MTSS1: variants seen among roughly 807,000 people sequenced by gnomAD.
MTSS1 encodes the protein protein MTSS 1.
MTSS1 carries 18 observed loss-of-function variants against 79.0 expected under a neutral mutation model. The observed-to-expected ratio is 0.23, with a 90% CI of 0.16 to 0.34. The LOEUF is 0.34. Ranked by LOEUF, MTSS1 falls within the 10% of genes least tolerant of loss-of-function variation. MTSS1 has a pLI of 1.00. For missense variants in MTSS1, 815 were observed against 986.2 expected, an observed-to-expected ratio of 0.83 and a Z score of 2.33; for synonymous variants, 341 against 368.6, an observed-to-expected ratio of 0.93 and a Z score of 0.86.
chr8:124,585,341 C>T (rs768491438), intron 5 of MTSS1, among the ~76,000 whole-genome samples, 180 bp from the exon 6 acceptor site: 4 of 152,004 alleles, frequency 2.6e-5, no homozygotes, highest in East Asian at 1.9e-4. Context: ...GCTAGAGACA[C>T]GAAAACAAAA....
chr8:124,648,801 ACAC>A (rs1463117138), intron 3 of MTSS1, among the ~76,000 whole-genome samples: 2 of 151,924 alleles, frequency 1.3e-5, no homozygotes. Context: ...TGTGAGATGG[ACAC>A]CACAAGGCCA....
At chr8:124,700,469 A>G (rs1436740193) in intron 2 of MTSS1, among the ~76,000 whole-genome samples, 2 of 152,186 alleles carry the variant, frequency 1.3e-5, no homozygotes, top group African/African-American at 4.8e-5. Flanking sequence ...TTGACCCACT[A>G]TAAGACAAGA....
chr8:124,607,876 A>AGG (rs35995953), intron 3 of MTSS1, among the ~76,000 whole-genome samples: 3 of 152,186 alleles, frequency 2.0e-5, no homozygotes, highest in Non-Finnish European at 2.9e-5. Flanking sequence ...TCTACAGAAA[A>AGG]GGGGGGGCTT....
At chr8:124,656,518 T>C (rs900168986) in intron 3 of MTSS1, among the ~76,000 whole-genome samples, 1 of 150,182 alleles carries the variant, frequency 6.7e-6, no homozygotes, top group Non-Finnish European at 1.5e-5. Context: ...ACGCCTGTAA[T>C]CCCAGCACTT....
rs73704173 is a variant in MTSS1, at chr8:124,677,935, C to T, written c.208+21591G>A. Reference sequence around the variant, plus strand: ...AAAAGAAATTCAAGCATAGTTACTCCTATTTTCTGAATCAAATCAGTAAGT... The same window carrying T: ...AAAAGAAATTCAAGCATAGTTACTCTTATTTTCTGAATCAAATCAGTAAGT... On this transcript the variant is annotated intron_variant, in intron 3 of 13. Transcript: ENST00000518547. Among the ~76,000 whole-genome samples the T allele has an allele frequency of 4.2e-3, 634 of 152,268 alleles. 4 individuals carry two copies. The highest frequency in any genetic ancestry group is 0.012 in the African/African-American group (485 of 41,540).
At chr8:124,681,761 C>T (rs1029976354) in intron 3 of MTSS1, among the ~76,000 whole-genome samples, 1 of 152,142 alleles carries the variant, frequency 6.6e-6, no homozygotes. Flanking sequence ...GCACTCCAGC[C>T]TCAGTGACAA....
intron 3 of MTSS1, among the ~76,000 whole-genome samples, chr8:124,644,384 A>G (rs1161780286): frequency 6.6e-6 from 1 of 152,242 alleles, no homozygotes; most frequent in East Asian, 1.9e-4. Context: ...TCATTCTCTA[A>G]GAAAGAATTT....
chr8:124,592,432 T>C (rs1045835094), intron 3 of MTSS1, among the ~76,000 whole-genome samples: 5 of 152,160 alleles, frequency 3.3e-5, no homozygotes, highest in Non-Finnish European at 4.4e-5. Context: ...AGACAAGACC[T>C]TCAGGGGAAA....
chr8:124,676,817 C>G lies in MTSS1; in HGVS notation c.208+22709G>C, dbSNP rs151107630. ...GCAAAATGCAATCTCACCTTAGGAG[C>G]CAGGCCTGCCAGACCCAGTCCCATC... On this transcript the variant is annotated intron_variant, in intron 3 of 13. Coordinates refer to ENST00000518547, the MANE Select transcript of MTSS1 (RefSeq NM_014751.6). 5.2e-3 allele frequency among the ~76,000 whole-genome samples: 796 copies of G among 152,234 alleles called. 7 individuals carry two copies. The highest frequency in any genetic ancestry group is 0.018 in the African/African-American group (750 of 41,520).
Position 124,552,674 on chromosome 8 carries a change from C to G in MTSS1, c.*318G>C, listed in dbSNP as rs561383374. 2 of 313,302 alleles carry G rather than the reference C, an allele frequency of 6.4e-6. No homozygotes were observed. The highest frequency in any genetic ancestry group is 5.7e-5 in the South Asian group (1 of 17,524). The allele number at this position is 313,302 out of a possible 1,614,324, so 19.4% of individuals were successfully genotyped here. On this transcript the variant is annotated 3_prime_UTR_variant, in exon 14 of 14. Transcript: ENST00000518547. ...CTTCGTGGTTCCCCTGCCCCAACCC[C>G]CTTTATGCATTTAAAATTTTACAAA...
At chr8:124,603,786 A>G (rs1834329383) in intron 3 of MTSS1, among the ~76,000 whole-genome samples, 1 of 152,228 alleles carries the variant, frequency 6.6e-6, no homozygotes, top group Non-Finnish European at 1.5e-5. Context: ...GTCACTGAGC[A>G]GCGTCCTGAT....
chr8:124,600,040 C>CAAAAAAAAAAAA (rs1175089825), intron 3 of MTSS1, among the ~76,000 whole-genome samples: 1 of 89,416 alleles, frequency 1.1e-5, no homozygotes. Flanking sequence ...GGTTGTACTA[C>CAAAAAAAAAAAA]AAAAAAAAAA....
In MTSS1 at chr8:124,591,450, T is replaced by C. The variant is rs565070660; in HGVS notation, c.209-215A>G. Among the ~76,000 whole-genome samples, 4 of 152,360 alleles carry C rather than the reference T, an allele frequency of 2.6e-5. No homozygotes were observed. In the South Asian group the frequency reaches 8.3e-4, roughly 32 times the overall value. On this transcript the variant is annotated intron_variant, in intron 3 of 13. Coordinates refer to ENST00000518547, the MANE Select transcript of MTSS1 (RefSeq NM_014751.6). ...ACAGATTTCTGTATCACCAAAACTA[T>C]CACCAAAGGCTGCTCCTACTATATA... is the stretch of plus-strand genomic sequence containing the variant.
intron 3 of MTSS1, among the ~76,000 whole-genome samples, chr8:124,641,586 T>C (rs953248701): frequency 1.3e-5 from 2 of 152,186 alleles, no homozygotes; most frequent in Non-Finnish European, 2.9e-5. Context: ...GGTATCTCTC[T>C]CCCACAGTGC....
At chr8:124,695,407 A>C (rs966541895) in intron 3 of MTSS1, among the ~76,000 whole-genome samples, 3 of 152,210 alleles carry the variant, frequency 2.0e-5, no homozygotes, top group African/African-American at 7.2e-5. Context: ...GAGAAGGTAG[A>C]TATCAAACCA....
At chr8:124,626,464 C>G (rs1011313492) in intron 3 of MTSS1, among the ~76,000 whole-genome samples, 2 of 152,122 alleles carry the variant, frequency 1.3e-5, no homozygotes, top group African/African-American at 4.8e-5. Context: ...TAGAGAGACC[C>G]ATGCTTCAAA....
chr8:124,727,950 C>G lies in MTSS1; in HGVS notation c.6G>C (p.Glu2Asp). 1 of 1,609,788 alleles carries G rather than the reference C, an allele frequency of 6.2e-7. No homozygotes were observed. Among genetic ancestry groups the G allele is most frequent in the Non-Finnish European group, 8.5e-7 (1 of 1,178,378 alleles). Reference protein sequence around the residue: MEAVIEKECSAL... With the variant: MDAVIEKECSAL... ...CGCTGCATTCCTTCTCAATCACAGC[C>G]TCCATTTTCCCGGCTCCGGCAGGGC... The change falls in exon 1 of 14, where the codon GAG (glutamate) becomes GAC (aspartate). Residue 2 changes from glutamate to aspartate, a missense_variant. Physicochemically the swap from Glu to Asp is conservative, Grantham distance 45 (BLOSUM62 2). Transcript: ENST00000518547. This position sits in a 1 kb window ranked among gnomAD's most constrained non-coding sequence, Gnocchi z 4.7.
chr8:124,706,579 T>A (rs557731784), intron 1 of MTSS1, among the ~76,000 whole-genome samples: 12 of 152,308 alleles, frequency 7.9e-5, no homozygotes, highest in African/African-American at 2.6e-4. Context: ...TTTGCCCCTA[T>A]GGGAAACTAA....
chr8:124,574,975 T>A (rs1828694309), intron 6 of MTSS1, among the ~76,000 whole-genome samples: 2 of 152,176 alleles, frequency 1.3e-5, no homozygotes, highest in East Asian at 1.9e-4. Context: ...TCGGTAGGTT[T>A]TTTTTTTCCT....
Sources: allele counts gnomAD v4.1 joint callset (sites outside exome capture counted in the v4.1 genomes callset), GRCh38; gene constraint gnomAD v4.1.1; non-coding constraint Gnocchi (gnomAD v3.1); transcripts MANE v1.5; gene names NCBI Gene and HGNC (gene_info 2026-07-23, HGNC 2026-07-21).